The following CRB2 variants were observed in gnomAD, a reference collection of about 807,000 sequenced individuals.
CRB2 encodes crumbs cell polarity complex component 2.
A neutral mutation model predicts 110.9 loss-of-function variants in CRB2; 85 were observed. The observed-to-expected ratio is 0.77, with a 90% CI of 0.64 to 0.92. The LOEUF is 0.92. Among genes scored for constraint, CRB2 ranks in the 40% least tolerant of loss-of-function variants. The pLI, the probability that CRB2 is intolerant of heterozygous loss-of-function variation, is 0.00. For missense variants in CRB2, 1,843 were observed against 1,851.3 expected (o/e 1.00, Z 0.08); for synonymous variants, 907 against 831.0 (o/e 1.09, Z -1.57).
Position 123,376,840 on chromosome 9 carries a change from G to A in CRB2, c.3636G>A (p.Lys1212=), listed in dbSNP as rs765294207. Residue 1212 remains lysine, a splice_region_variant and synonymous_variant, in exon 13 of 13, where the codon AAG becomes AAA. Coordinates refer to ENST00000373631, the MANE Select transcript of CRB2 (RefSeq NM_173689.7). ...RFSGQFCEVA[K]GLPLPLPFPL... ...CCTCGGTGTCGTGTCTCTTGCAGAAGGGCCTGCCCCTGCCGCTGCCATTCC... is the reference window on the plus strand; with the variant it reads ...CCTCGGTGTCGTGTCTCTTGCAGAAAGGCCTGCCCCTGCCGCTGCCATTCC... The A allele has an allele frequency of 1.9e-6, 3 of 1,605,360 alleles. No individual in the cohort carries two copies. The highest frequency in any genetic ancestry group is 2.2e-5 in the South Asian group (2 of 89,698).
Position 123,371,391 on chromosome 9 carries a change from G to T in CRB2, c.2249G>T (p.Arg750Met). Reference sequence around the variant, plus strand: ...GGGCAGCACGTGCACGTGGGTGGGAGGCTCCTTGCTGCCGACAGCCAGCCC... The same window carrying T: ...GGGCAGCACGTGCACGTGGGTGGGATGCTCCTTGCTGCCGACAGCCAGCCC... ...DLGQHVHVGG[R>M]LLAADSQPWG... Residue 750 changes from arginine (R) to methionine (M), a missense_variant, in exon 8 of 13, where the codon AGG (arginine) becomes ATG (methionine). Physicochemically the swap from Arg to Met is moderately conservative, Grantham distance 91. Coordinates refer to ENST00000373631, the MANE Select transcript of CRB2 (RefSeq NM_173689.7). The T allele has an allele frequency of 6.2e-7, 1 of 1,608,350 alleles. No homozygotes were observed. The highest frequency in any genetic ancestry group is 1.1e-5 in the South Asian group (1 of 90,508).
intron 1 of CRB2, 123 bp from the exon 2 acceptor site, chr9:123,362,742 T>A: frequency 1.1e-6 from 1 of 896,566 alleles, no homozygotes; most frequent in South Asian, 1.7e-5. Context: ...TGGCCCTCTG[T>A]CCATACTGTG....
intron 6 of CRB2, chr9:123,368,893 C>T (rs1406102672): frequency 2.4e-6 from 3 of 1,271,198 alleles, no homozygotes. Flanking sequence ...GAGGGCATGG[C>T]AATGGAGCCG....
At position 123,370,385 on chromosome 9, in the gene CRB2, G is replaced by A. The variant is rs1342722040; in HGVS notation, c.1332G>A (p.Met444Ile). ...GCCAGAATACCACCTTCTCTGTGAT[G>A]GCTGGGAGCCCCATTCAGGCATCAG... Reference protein sequence around the residue: ...FCGQNTTFSVMAGSPIQASVP... With the variant: ...FCGQNTTFSVIAGSPIQASVP... The change falls in exon 7 of 13, where the codon ATG becomes ATA. Residue 444 changes from methionine (M) to isoleucine (I), a missense_variant. By Grantham distance (10) the Met-to-Ile change is conservative. Coordinates refer to ENST00000373631, the MANE Select transcript of CRB2 (RefSeq NM_173689.7). 1.2e-6 allele frequency: 2 copies of A among 1,613,740 alleles called. No individual in the cohort carries two copies.
chr9:123,373,146 C>T lies in CRB2; in HGVS notation c.2615C>T (p.Ala872Val). 1.3e-6 allele frequency: 2 copies of T among 1,507,748 alleles called. No homozygotes were observed. Among genetic ancestry groups the T allele is most frequent in the Non-Finnish European group, 8.8e-7 (1 of 1,133,370 alleles). 93.4% of individuals were successfully genotyped at this position (1,507,748 alleles called of 1,614,324 possible). The change falls in exon 10 of 13, where the codon GCC becomes GTC. Residue 872 changes from alanine to valine, a missense_variant. Physicochemically the swap from Ala to Val is moderately conservative, Grantham distance 64. Transcript: ENST00000373631. Reference sequence around the variant, plus strand: ...CTTCTCTCCGCAGGTGTGGCGGAGGCCACGTTCCGCGAGGGTCCCCCCGCC... The same window carrying T: ...CTTCTCTCCGCAGGTGTGGCGGAGGTCACGTTCCGCGAGGGTCCCCCCGCC... ...VPDGFVCVAEATFREGPPAAF... is the reference protein window; with the variant it reads ...VPDGFVCVAEVTFREGPPAAF...
rs775169284 is a variant in CRB2, at chr9:123,375,231, C to G, written c.3521C>G (p.Thr1174Ser). The G allele has an allele frequency of 6.2e-7, 1 of 1,612,656 alleles. No homozygotes were observed. The highest frequency in any genetic ancestry group is 8.5e-7 in the Non-Finnish European group (1 of 1,179,502). ...GLAGQRCQVP[T>S]LPCEANPCLN... ...TCCCTCTCCAGGTGTCAGGTCCCCACTCTCCCCTGTGAAGCCAACCCCTGC... is the reference window on the plus strand; with the variant it reads ...TCCCTCTCCAGGTGTCAGGTCCCCAGTCTCCCCTGTGAAGCCAACCCCTGC... Residue 1174 changes from threonine (T) to serine (S), a missense_variant, in exon 12 of 13, where the codon ACT (threonine) becomes AGT (serine). Thr to Ser is a moderately conservative substitution (Grantham distance 58). Coordinates refer to ENST00000373631, the MANE Select transcript of CRB2 (RefSeq NM_173689.7).
At chr9:123,361,144 G>C (rs1299487246) in intron 1 of CRB2, among the ~76,000 whole-genome samples, 2 of 151,754 alleles carry the variant, frequency 1.3e-5, no homozygotes, top group Admixed American at 6.6e-5. Flanking sequence ...GGGAGGGGGG[G>C]GGGTTCCTTG....
In CRB2 at chr9:123,373,174, G is replaced by A. The variant is rs751955521; in HGVS notation, c.2643G>A (p.Ala881=). The change falls in exon 10 of 13, where the codon GCG becomes GCA. Residue 881 remains alanine (A), a synonymous_variant. Coordinates refer to ENST00000373631, the MANE Select transcript of CRB2 (RefSeq NM_173689.7). ...EATFREGPPA[A]FSGHNASSGR... ...CGTTCCGCGAGGGTCCCCCCGCCGC[G>A]TTCAGCGGGCACAACGCGTCGTCAG... is the stretch of plus-strand genomic sequence containing the variant. The A allele has an allele frequency of 2.6e-6, 4 of 1,514,640 alleles. No homozygotes were observed. Among genetic ancestry groups the A allele is most frequent in the East Asian group, 2.7e-5 (1 of 37,156 alleles). 93.8% of individuals were successfully genotyped at this position (1,514,640 alleles called of 1,614,324 possible). A position where few individuals can be genotyped will look rare whatever the true frequency, so the allele number is the denominator to read the frequency against.
At position 123,365,912 on chromosome 9, in the gene CRB2, T is replaced by G. The variant is rs752148451; in HGVS notation, c.419-5T>G. On this transcript the variant is annotated splice_polypyrimidine_tract_variant and splice_region_variant and intron_variant, in intron 2 of 12. Transcript: ENST00000373631. ...TGCACCCTGTGTGTCCCCTGCCCTG[T>G]CCAGGCGTGACCTGCGAGATGGAGG... 1 of 1,590,848 alleles carries G rather than the reference T, an allele frequency of 6.3e-7. No homozygotes were observed. The highest frequency in any genetic ancestry group is 2.3e-5 in the East Asian group (1 of 43,934).
downstream of CRB2, among the ~76,000 whole-genome samples, chr9:123,379,476 A>G (rs577136826): frequency 1.7e-4 from 26 of 152,322 alleles, no homozygotes; most frequent in Admixed American, 3.9e-4. Flanking sequence ...TGAGGGGCAG[A>G]GCATGAGCTG....
chr9:123,373,779 G>A lies in CRB2; in HGVS notation c.3248G>A (p.Gly1083Asp). Residue 1083 changes from glycine to aspartate, a missense_variant, in exon 10 of 13, where the codon GGC (glycine) becomes GAC (aspartate). Physicochemically the swap from Gly to Asp is moderately conservative, Grantham distance 94 (BLOSUM62 -1). Transcript: ENST00000373631. ...TTCGACGCCTTTGCCTGCGCCTGCGGCCCGGGGTGGGAAGGCCCGCGCTGC... is the reference window on the plus strand; with the variant it reads ...TTCGACGCCTTTGCCTGCGCCTGCGACCCGGGGTGGGAAGGCCCGCGCTGC... ...DLFDAFACAC[G>D]PGWEGPRCEA... 7 of 1,590,908 alleles carry A rather than the reference G, an allele frequency of 4.4e-6. No individual in the cohort carries two copies. Among genetic ancestry groups the A allele is most frequent in the Non-Finnish European group, 5.9e-6 (7 of 1,176,632 alleles).
At chr9:123,364,490 C>T (rs1452155181) in intron 2 of CRB2, among the ~76,000 whole-genome samples, 3 of 151,902 alleles carry the variant, frequency 2.0e-5, no homozygotes, top group Admixed American at 6.6e-5. Context: ...CTTTCCATTC[C>T]AAGCCGGGTG....
rs948027426 is a variant in CRB2 at position 123,362,974 on chromosome 9, C to A, written c.204C>A (p.Pro68=). 4 of 1,612,084 alleles carry A rather than the reference C, an allele frequency of 2.5e-6. No individual in the cohort carries two copies. Among genetic ancestry groups the A allele is most frequent in the Non-Finnish European group, 3.4e-6 (4 of 1,179,308 alleles). The change falls in exon 2 of 13, where the codon CCC becomes CCA. Residue 68 remains proline, a synonymous_variant. Transcript: ENST00000373631. ...GCTATACCTGTGGGCCCATGGAGCC[C>A]CGGGGCTGTGCCACCCAGCCATGCC... ...SGGYTCGPME[P]RGCATQPCHH...
chr9:123,375,700 A>G (rs1588221709), intron 12 of CRB2, among the ~76,000 whole-genome samples: 3 of 152,126 alleles, frequency 2.0e-5, no homozygotes, highest in Admixed American at 2.0e-4. Context: ...AATCCAGGAG[A>G]CTCATCTCCA....
At chr9:123,374,799 C>T (rs1372119447) in intron 11 of CRB2, 104 bp downstream of exon 11, 10 of 718,254 alleles carry the variant, frequency 1.4e-5, no homozygotes, top group Non-Finnish European at 2.3e-5. Flanking sequence ...CTCACCCCTC[C>T]CTGGTATCAC....
chr9:123,379,202 G>C (rs2042162655), downstream of CRB2, among the ~76,000 whole-genome samples: 2 of 152,034 alleles, frequency 1.3e-5, no homozygotes, highest in African/African-American at 4.8e-5. Flanking sequence ...GGTGTGACTG[G>C]GCATGTTCCA....
At chr9:123,374,089 G>C in intron 10 of CRB2, 169 bp downstream of exon 10, 1 of 963,526 alleles carries the variant, frequency 1.0e-6, no homozygotes, top group South Asian at 1.4e-5. Context: ...ATAAAATACA[G>C]ATCAAAACAC....
intron 12 of CRB2, among the ~76,000 whole-genome samples, chr9:123,375,587 G>A (rs1399398173): frequency 1.3e-5 from 2 of 152,180 alleles, no homozygotes; most frequent in Non-Finnish European, 2.9e-5. Context: ...CTGGGTCAGC[G>A]GCTTCCTCAG....
chr9:123,362,674 C>A lies in CRB2; in HGVS notation c.95-191C>A, dbSNP rs150521044. On this transcript the variant is annotated intron_variant, in intron 1 of 12. Coordinates refer to ENST00000373631, the MANE Select transcript of CRB2 (RefSeq NM_173689.7). Reference sequence around the variant, plus strand: ...TCTGCTATATAGGCTCTCCTAAAACCGTTCCCAGTTCTGGGTGCAGATGTG... The same window carrying A: ...TCTGCTATATAGGCTCTCCTAAAACAGTTCCCAGTTCTGGGTGCAGATGTG... Among the ~76,000 whole-genome samples the A allele has an allele frequency of 2.1e-4, 32 of 152,292 alleles. 1 individual carries two copies. The highest frequency in any genetic ancestry group is 7.0e-4 in the African/African-American group (29 of 41,564).
Sources: allele counts gnomAD v4.1 joint callset (sites outside exome capture counted in the v4.1 genomes callset), GRCh38; gene constraint gnomAD v4.1.1; transcripts MANE v1.5; gene names NCBI Gene and HGNC (gene_info 2026-07-23, HGNC 2026-07-21).